The following MAGI2 variants were observed in gnomAD, a reference collection of about 807,000 sequenced individuals.
MAGI2 encodes membrane-associated guanylate kinase, WW and PDZ domain-containing protein 2.
In MAGI2, 35 loss-of-function variants were observed where a neutral mutation model predicts 133.3. The observed-to-expected ratio is 0.26, with a 90% confidence interval of 0.20 to 0.35. MAGI2 has a LOEUF of 0.35. Ranked by LOEUF, MAGI2 falls within the 10% of genes least tolerant of loss-of-function variation. The pLI is 1.00. For missense variants in MAGI2, 1,636 were observed against 1,863.4 expected (o/e 0.88, Z 2.25); for synonymous variants, 729 against 710.6 (o/e 1.03, Z -0.41).
At chr7:78,187,839 A>T (rs1827838665) in intron 12 of MAGI2, among the ~76,000 whole-genome samples, 1 of 152,206 alleles carries the variant, frequency 6.6e-6, no homozygotes, top group Admixed American at 6.5e-5. Context: ...CCTACTTGCC[A>T]TCTAGCACTT....
At chr7:78,081,109 T>C (rs1190081583) in intron 20 of MAGI2, among the ~76,000 whole-genome samples, 1 of 152,204 alleles carries the variant, frequency 6.6e-6, no homozygotes, top group African/African-American at 2.4e-5. Flanking sequence ...TCTTGTTCTT[T>C]CTGAAGGTAA....
intron 1 of MAGI2, among the ~76,000 whole-genome samples, chr7:79,275,200 A>G (rs1835147284): frequency 6.6e-6 from 1 of 152,204 alleles, no homozygotes; most frequent in Admixed American, 6.6e-5. Flanking sequence ...GCCCTCTTGT[A>G]GCAAACAGTT....
chr7:78,032,633 C>A (rs1809711543), intron 21 of MAGI2, among the ~76,000 whole-genome samples: 1 of 151,870 alleles, frequency 6.6e-6, no homozygotes, highest in African/African-American at 2.4e-5. Flanking sequence ...TGGAAGAGAC[C>A]AAAGATTAAT....
At chr7:79,322,771 G>A (rs1344731893) in intron 1 of MAGI2, among the ~76,000 whole-genome samples, 1 of 114,440 alleles carries the variant, frequency 8.7e-6, no homozygotes, top group Non-Finnish European at 1.9e-5. Flanking sequence ...GAGAAAGTGA[G>A]ACTGTCTCAA....
chr7:78,739,655 C>CAGAATCAT (rs1198398278), intron 2 of MAGI2, among the ~76,000 whole-genome samples: 1 of 152,038 alleles, frequency 6.6e-6, no homozygotes, highest in Non-Finnish European at 1.5e-5. Context: ...AATTATTACC[C>CAGAATCAT]AGAATCATTC....
intron 3 of MAGI2, among the ~76,000 whole-genome samples, chr7:78,527,953 G>C (rs1563126571): frequency 6.6e-6 from 1 of 151,828 alleles, no homozygotes; most frequent in Non-Finnish European, 1.5e-5. Context: ...CACAGATTAA[G>C]GTCATGACTT....
rs1050751954 is a variant in MAGI2 at position 79,100,652 on chromosome 7, A to T, written c.302-93446T>A. On this transcript the variant is annotated intron_variant, in intron 1 of 21. Coordinates refer to ENST00000354212, the MANE Select transcript of MAGI2 (RefSeq NM_012301.4). ...TTATGGTTTAAGTTAAAATTTTTTA[A>T]AAAATTATGTATATTATATTATTTG... is the stretch of plus-strand genomic sequence containing the variant. Among the ~76,000 whole-genome samples, 13 of 151,712 alleles carry T rather than the reference A, an allele frequency of 8.6e-5. No individual in the cohort carries two copies. The South Asian group carries it at 1.2e-3, about 14-fold the overall frequency.
intron 2 of MAGI2, among the ~76,000 whole-genome samples, chr7:78,653,057 G>A (rs1811747759): frequency 6.6e-6 from 1 of 152,158 alleles, no homozygotes; most frequent in African/African-American, 2.4e-5. Flanking sequence ...CTGGTCATCA[G>A]AGAAATGCGA....
At chr7:78,917,589 T>A (rs1391127582) in intron 2 of MAGI2, among the ~76,000 whole-genome samples, 1 of 152,080 alleles carries the variant, frequency 6.6e-6, no homozygotes, top group African/African-American at 2.4e-5. Context: ...CAACTGAGTG[T>A]CCAATAATTG....
At chr7:79,380,589 C>A (rs1235638455) in intron 1 of MAGI2, among the ~76,000 whole-genome samples, 2 of 151,766 alleles carry the variant, frequency 1.3e-5, no homozygotes, top group Non-Finnish European at 2.9e-5. Flanking sequence ...GGCATAACAG[C>A]TGAATTTGAA....
intron 2 of MAGI2, among the ~76,000 whole-genome samples, chr7:78,801,172 G>C (rs1788027014): frequency 6.6e-6 from 1 of 152,112 alleles, no homozygotes; most frequent in Non-Finnish European, 1.5e-5. Flanking sequence ...TTTAAAGACA[G>C]GATAATTCAA....
chr7:79,054,733 G>A (rs2191730), intron 1 of MAGI2, among the ~76,000 whole-genome samples: 81,789 of 152,018 alleles, frequency 0.54, 24,953 homozygotes, highest in African/African-American at 0.85. Context: ...GGTTTTTGTT[G>A]GAGTTAGTTC....
chr7:78,285,284 A>G (rs1276871674), intron 9 of MAGI2, among the ~76,000 whole-genome samples: 1 of 152,180 alleles, frequency 6.6e-6, no homozygotes, highest in East Asian at 1.9e-4. Context: ...TTGTATCCTT[A>G]GATTTTTGGT....
At chr7:78,750,188 A>G (rs930294806) in intron 2 of MAGI2, among the ~76,000 whole-genome samples, 3 of 152,108 alleles carry the variant, frequency 2.0e-5, no homozygotes, top group Non-Finnish European at 4.4e-5. Context: ...AGCTTCATAT[A>G]TGTCCTGGCA....
intron 6 of MAGI2, among the ~76,000 whole-genome samples, chr7:78,443,792 T>C (rs979430949): frequency 1.3e-5 from 2 of 152,128 alleles, no homozygotes; most frequent in African/African-American, 4.8e-5. Context: ...TTAGTGTGAA[T>C]TGACTCTGGA....
chr7:78,557,230 T>C (rs1302972051), intron 3 of MAGI2, among the ~76,000 whole-genome samples: 1 of 152,142 alleles, frequency 6.6e-6, no homozygotes, highest in South Asian at 2.1e-4. Flanking sequence ...CTGTACTGAA[T>C]TGCCAATTTC....
At chr7:78,033,472 C>CAAAAAAAAAAA (rs199985014) in intron 21 of MAGI2, among the ~76,000 whole-genome samples, 16 of 132,376 alleles carry the variant, frequency 1.2e-4, no homozygotes, top group Non-Finnish European at 1.9e-4. Flanking sequence ...GAGCTTGTCT[C>CAAAAAAAAAAA]AAAAAAAAAA....
intron 2 of MAGI2, among the ~76,000 whole-genome samples, chr7:78,693,763 C>T (rs962880076): frequency 6.6e-6 from 1 of 152,080 alleles, no homozygotes; most frequent in African/African-American, 2.4e-5. Context: ...TTCTTTTTTC[C>T]ACCTTATGTT....
chr7:79,206,475 T>C lies in MAGI2; in HGVS notation c.302-199269A>G, dbSNP rs1351209427. ...AACAAATTGGATAATCTAGAAGAAG[T>C]GGACAAATTCCTTGACACATGCTAC... is the stretch of plus-strand genomic sequence containing the variant. On this transcript the variant is annotated intron_variant, in intron 1 of 21. Coordinates refer to ENST00000354212, the MANE Select transcript of MAGI2 (RefSeq NM_012301.4). Among the ~76,000 whole-genome samples, 3 of 151,162 alleles carry C rather than the reference T, an allele frequency of 2.0e-5. No individual in the cohort carries two copies. The East Asian group carries it at 5.8e-4, about 29-fold the overall frequency.
Sources: allele counts gnomAD v4.1 joint callset (sites outside exome capture counted in the v4.1 genomes callset), GRCh38; gene constraint gnomAD v4.1.1; transcripts MANE v1.5; gene names NCBI Gene and HGNC (gene_info 2026-07-23, HGNC 2026-07-21).